The following EDA variants were observed in gnomAD, a reference collection of about 807,000 sequenced individuals.
The protein encoded by EDA is ectodysplasin A.
In EDA, 2 loss-of-function variants were observed where a neutral mutation model predicts 23.6. That is an observed-to-expected ratio of 0.08 (90% CI 0.03 to 0.27). EDA has a LOEUF of 0.27. Ranked by LOEUF, EDA falls within the 10% of genes least tolerant of loss-of-function variation. The pLI, the probability that EDA is intolerant of heterozygous loss-of-function variation, is 1.00. For missense variants in EDA, 229 were observed against 324.2 expected (o/e 0.71, Z 2.26); for synonymous variants, 131 against 132.0 (o/e 0.99, Z 0.05).
rs2020276734 is a variant in EDA at position 70,036,996 on chromosome X, G to C, written c.*1387G>C. On this transcript the variant is annotated 3_prime_UTR_variant, in exon 8 of 8. Coordinates refer to ENST00000374552, the MANE Select transcript of EDA (RefSeq NM_001399.5). ...AGCAGGGATCTGCCCCCTAGTTCAG[G>C]TCCAAATTCACCTTCCCCTAAACCC... The C allele has an allele frequency of 8.9e-6, 1 of 112,001 alleles. No individual in the cohort carries two copies. The highest frequency in any genetic ancestry group is 9.5e-5 in the Admixed American group (1 of 10,575). The allele number at this position is 112,001 out of a possible 1,213,427, so 9.2% of individuals were successfully genotyped here. A position where few individuals can be genotyped will look rare whatever the true frequency, so the allele number is the denominator to read the frequency against.
At chrX:69,648,347 G>A (rs989955088) in intron 1 of EDA, among the ~76,000 whole-genome samples, 2 of 111,704 alleles carry the variant, frequency 1.8e-5, no homozygotes, top group African/African-American at 3.3e-5. Context: ...CAGGAGATCC[G>A]TCCCAGGGAG....
At chrX:69,941,027 C>T (rs1012829990) in intron 1 of EDA, among the ~76,000 whole-genome samples, 1 of 111,558 alleles carries the variant, frequency 9.0e-6, no homozygotes, top group African/African-American at 3.3e-5. Flanking sequence ...TCTTCATTGG[C>T]CCACTGGTCA....
intron 1 of EDA, among the ~76,000 whole-genome samples, chrX:69,948,789 T>C (rs1239631856): frequency 8.9e-6 from 1 of 112,517 alleles, no homozygotes; most frequent in African/African-American, 3.2e-5. Context: ...CAATGTTTAT[T>C]CAGACAACAC....
intron 1 of EDA, among the ~76,000 whole-genome samples, chrX:69,676,679 C>T (rs1934098415): frequency 9.0e-6 from 1 of 111,057 alleles, no homozygotes. Flanking sequence ...CTTCTCACTC[C>T]AGTTCACCCT....
chrX:69,728,363 A>G (rs2012889991), intron 1 of EDA, among the ~76,000 whole-genome samples: 1 of 112,027 alleles, frequency 8.9e-6, no homozygotes, highest in African/African-American at 3.2e-5. Flanking sequence ...ACTTCTGCCT[A>G]TGGTGCCACC....
chrX:69,629,977 C>G (rs1441875329), intron 1 of EDA, among the ~76,000 whole-genome samples: 2 of 111,692 alleles, frequency 1.8e-5, no homozygotes, highest in African/African-American at 6.5e-5. Context: ...CATCGTATAT[C>G]AAAGTTCCCT....
rs766261551 is a variant in EDA, at chrX:69,833,250, GC to G, written c.397-123776del. 6.1e-3 allele frequency among the ~76,000 whole-genome samples: 686 copies of G among 111,899 alleles called. 8 individuals carry two copies. The highest frequency in any genetic ancestry group is 0.021 in the African/African-American group (657 of 30,798). ...ATTTATTGAGAGTTTTTAGCATGAAGCGCTGTTGAATTTTGTCAAAGGCCTT... is the reference window on the plus strand; with the variant it reads ...ATTTATTGAGAGTTTTTAGCATGAAGGCTGTTGAATTTTGTCAAAGGCCTT... On this transcript the variant is annotated intron_variant, in intron 1 of 7. Transcript: ENST00000374552.
At chrX:69,933,884 T>C (rs2018635706) in intron 1 of EDA, among the ~76,000 whole-genome samples, 2 of 112,390 alleles carry the variant, frequency 1.8e-5, no homozygotes, top group African/African-American at 6.5e-5. Flanking sequence ...GACAAAATTA[T>C]AGGTTTGAAA....
chrX:69,703,701 C>T (rs942496497), intron 1 of EDA, among the ~76,000 whole-genome samples: 5 of 111,567 alleles, frequency 4.5e-5, no homozygotes, highest in African/African-American at 1.6e-4. Context: ...TTCTGGCCAG[C>T]TCTCTTCCTG....
chrX:69,924,042 T>C (rs1395075871), intron 1 of EDA, among the ~76,000 whole-genome samples: 1 of 111,531 alleles, frequency 9.0e-6, no homozygotes, highest in African/African-American at 3.2e-5. Flanking sequence ...CAAATTTCAG[T>C]TCCTTGTAAA....
chrX:69,980,145 C>T (rs1251915325), intron 2 of EDA, among the ~76,000 whole-genome samples: 1 of 111,182 alleles, frequency 9.0e-6, no homozygotes, highest in East Asian at 2.8e-4. Context: ...CTAGCTTTGC[C>T]ATCTTAGTTT....
At chrX:69,930,855 A>G (rs1321345063) in intron 1 of EDA, among the ~76,000 whole-genome samples, 1 of 111,683 alleles carries the variant, frequency 9.0e-6, no homozygotes, top group Non-Finnish European at 1.9e-5. Context: ...TTAAAAATCA[A>G]TTCTATTCCT....
At chrX:70,010,308 A>C (rs1360542053) in intron 2 of EDA, among the ~76,000 whole-genome samples, 1 of 112,229 alleles carries the variant, frequency 8.9e-6, no homozygotes, top group African/African-American at 3.2e-5. Flanking sequence ...TACATTAAAG[A>C]TTGTTATGTT....
At chrX:69,887,995 G>A (rs186907660) in intron 1 of EDA, among the ~76,000 whole-genome samples, 3 of 111,833 alleles carry the variant, frequency 2.7e-5, no homozygotes, top group African/African-American at 9.7e-5. Context: ...AAACTCCATG[G>A]TAAAGGTAAA....
At chrX:69,768,558 G>T (rs1003725570) in intron 1 of EDA, among the ~76,000 whole-genome samples, 3 of 110,801 alleles carry the variant, frequency 2.7e-5, no homozygotes, top group Non-Finnish European at 3.8e-5. Flanking sequence ...TAATAAATTT[G>T]CCTGTTTTAC....
At chrX:69,903,955 C>T (rs763660392) in intron 1 of EDA, among the ~76,000 whole-genome samples, 15 of 109,923 alleles carry the variant, frequency 1.4e-4, no homozygotes, top group East Asian at 2.9e-4. Context: ...GGATTACAGG[C>T]GCCCACCACC....
chrX:69,973,591 C>A (rs6624451), intron 2 of EDA, among the ~76,000 whole-genome samples: 9,881 of 111,098 alleles, frequency 0.089, 837 homozygotes, highest in East Asian at 0.61. Context: ...TCCCTCATTC[C>A]CTAGTTGTCC....
intron 1 of EDA, among the ~76,000 whole-genome samples, chrX:69,871,107 C>T (rs1426319429): frequency 1.8e-5 from 2 of 111,593 alleles, no homozygotes; most frequent in Non-Finnish European, 3.8e-5. Context: ...ATTTATTTTG[C>T]ATAACTCTCT....
chrX:69,878,110 A>G (rs1162338814), intron 1 of EDA, among the ~76,000 whole-genome samples: 3 of 111,719 alleles, frequency 2.7e-5, no homozygotes, highest in Non-Finnish European at 5.7e-5. Context: ...ATACAGTTTT[A>G]TTAAACAAAC....
Sources: gnomAD v4.1 joint callset for allele counts (sites outside exome capture counted in the v4.1 genomes callset) on GRCh38, gnomAD v4.1.1 for gene constraint, MANE v1.5 for transcripts, NCBI Gene and HGNC (gene_info 2026-07-23, HGNC 2026-07-21) for gene names.